FANCI: variants seen among roughly 807,000 people sequenced by gnomAD.
FANCI encodes the protein FA complementation group I.
Under a neutral mutation model 176.1 loss-of-function variants are expected in FANCI, and 156 were observed. The ratio of observed to expected loss-of-function variants is 0.89; its 90% CI spans 0.78 to 1.01. FANCI has a LOEUF of 1.01. Ranked by LOEUF, FANCI falls within the 50% of genes least tolerant of loss-of-function variation. The pLI is 0.00. For missense variants in FANCI, 1,678 were observed against 1,534.1 expected, an observed-to-expected ratio of 1.09 and a Z score of -1.57; for synonymous variants, 613 against 541.7, an observed-to-expected ratio of 1.13 and a Z score of -1.83.
intron 35 of FANCI, among the ~76,000 whole-genome samples, chr15:89,314,044 G>A (rs8030702): frequency 0.11 from 4,864 of 44,992 alleles, 260 homozygotes; most frequent in African/African-American, 0.39. Flanking sequence ...TAGGGGGAAA[G>A]ATATATAATC....
At chr15:89,255,226 A>G (rs1004281071) in intron 2 of FANCI, among the ~76,000 whole-genome samples, 40 of 152,138 alleles carry the variant, frequency 2.6e-4, no homozygotes, top group African/African-American at 9.4e-4. Context: ...GTGGTGTCTC[A>G]TGATTGGACC....
chr15:89,298,526 A>C (rs1215010933), intron 24 of FANCI, among the ~76,000 whole-genome samples: 2 of 152,234 alleles, frequency 1.3e-5, no homozygotes, highest in African/African-American at 4.8e-5. Flanking sequence ...AAAATCTCAG[A>C]TCTCCCATAT....
chr15:89,268,332 A>C lies in FANCI; in HGVS notation c.756-67A>C. The C allele has an allele frequency of 1.9e-6, 3 of 1,592,040 alleles. No individual in the cohort carries two copies. In the South Asian group the frequency reaches 3.3e-5, roughly 18 times the overall value. On this transcript the variant is annotated intron_variant, in intron 9 of 37. Coordinates refer to ENST00000310775, the MANE Select transcript of FANCI (RefSeq NM_001113378.2). ...GTGATGCGCCCGCCTTGGCCTCCCA[A>C]AGTGCTGGCATTACAGGCATGAGCC...
chr15:89,316,456 A>C lies in FANCI; in HGVS notation c.3984A>C (p.Lys1328Asn), dbSNP rs1159813655. The C allele has an allele frequency of 6.2e-7, 1 of 1,609,598 alleles. No individual in the cohort carries two copies. The highest frequency in any genetic ancestry group is 2.2e-5 in the East Asian group (1 of 44,722). The change falls in exon 38 of 38, where the codon AAA (lysine) becomes AAC (asparagine). Residue 1328 changes from lysine to asparagine, a missense_variant. Transcript: ENST00000310775. The stretch of plus-strand genomic sequence containing the variant: ...AACCAGCCAAGAAGAAAAGGAAAAA[A>C]TAAATGAAATGCCTGAGTTAATGTG... The part of the protein sequence containing the change: ...NKEPAKKKRK[K>N]
Position 89,287,219 on chromosome 15 carries a change from C to T in FANCI, c.1821+2001C>T, listed in dbSNP as rs191351308. ...CAATCTCTTGACCTCGTGATCTGCC[C>T]GCCTCGGCCTCCTAAAGTGCTGGGA... On this transcript the variant is annotated intron_variant, in intron 18 of 37. Coordinates refer to ENST00000310775, the MANE Select transcript of FANCI (RefSeq NM_001113378.2). Among the ~76,000 whole-genome samples the T allele has an allele frequency of 9.2e-5, 14 of 152,130 alleles. No homozygotes were observed. The East Asian group carries it at 9.6e-4, about 10-fold the overall frequency.
At chr15:89,307,423 C>G in intron 32 of FANCI, 53 bp from the exon 33 acceptor site, 2 of 1,542,052 alleles carry the variant, frequency 1.3e-6, no homozygotes, top group Admixed American at 3.5e-5. Context: ...CTGCAGCAGT[C>G]ACTTGTAGTT....
intron 22 of FANCI, 150 bp from the exon 23 acceptor site, chr15:89,293,682 TG>T: frequency 1.2e-6 from 1 of 846,818 alleles, no homozygotes; most frequent in Non-Finnish European, 1.9e-6. Context: ...TGCTGTGACC[TG>T]GGAGTATTAT....
chr15:89,262,348 C>T (rs1037452502), intron 6 of FANCI, among the ~76,000 whole-genome samples: 2 of 151,612 alleles, frequency 1.3e-5, no homozygotes, highest in African/African-American at 4.8e-5. Context: ...CTGCAACATA[C>T]AAGAAAATCC....
At chr15:89,285,488 G>GT (rs1460158125) in intron 18 of FANCI, among the ~76,000 whole-genome samples, 1 of 152,138 alleles carries the variant, frequency 6.6e-6, no homozygotes, top group East Asian at 1.9e-4. Context: ...TTAGCTGGGT[G>GT]TGGTGGCATG....
intron 13 of FANCI, among the ~76,000 whole-genome samples, chr15:89,277,767 T>G (rs1301905914): frequency 6.6e-6 from 1 of 152,208 alleles, no homozygotes; most frequent in Non-Finnish European, 1.5e-5. Flanking sequence ...TATTTTCTCT[T>G]GAATAAAAAA....
chr15:89,262,736 T>C (rs1487129786), intron 6 of FANCI, among the ~76,000 whole-genome samples: 1 of 152,264 alleles, frequency 6.6e-6, no homozygotes, highest in African/African-American at 2.4e-5. Flanking sequence ...TAATATACCT[T>C]GCATTTTTTA....
chr15:89,289,881 A>G (rs12908621), intron 18 of FANCI, among the ~76,000 whole-genome samples: 46,255 of 151,244 alleles, frequency 0.31, 8,528 homozygotes, highest in South Asian at 0.4. Context: ...TAGTAGAGAC[A>G]GGGTTTTGCT....
intron 23 of FANCI, among the ~76,000 whole-genome samples, chr15:89,294,486 G>A (rs955169310): frequency 9.9e-5 from 15 of 152,234 alleles, no homozygotes; most frequent in African/African-American, 1.4e-4. Context: ...TTGGGAGGCC[G>A]AGGCAGGAGA....
intron 28 of FANCI, 116 bp from the exon 29 acceptor site, chr15:89,304,999 T>C (rs2054662128): frequency 5.2e-6 from 6 of 1,162,844 alleles, no homozygotes; most frequent in Non-Finnish European, 7.6e-6. Flanking sequence ...TGGTCTTGAA[T>C]TCCTGACCTC....
Position 89,277,630 on chromosome 15 carries a change from A to AAAG in FANCI, c.1293+742_1293+744dup, listed in dbSNP as rs1567154593. On this transcript the variant is annotated intron_variant, in intron 13 of 37. Coordinates refer to ENST00000310775, the MANE Select transcript of FANCI (RefSeq NM_001113378.2). ...CTATCTCAAAAAAAAAAAAAAAAAA[A>AAAG]AAGAATCATACTTATTGGTTCATTG... 3.3e-4 allele frequency among the ~76,000 whole-genome samples: 48 copies of AAAG among 146,146 alleles called. 1 individual carries two copies. Among genetic ancestry groups the AAAG allele is most frequent in the Non-Finnish European group, 3.9e-4 (26 of 66,234 alleles).
intron 10 of FANCI, among the ~76,000 whole-genome samples, chr15:89,272,962 C>T (rs547368922): frequency 1.8e-4 from 27 of 152,142 alleles, no homozygotes; most frequent in African/African-American, 5.5e-4. Context: ...CCACCACACC[C>T]GGCCAAGGGA....
At position 89,263,441 on chromosome 15, in the gene FANCI, C is replaced by T; in HGVS notation, c.526C>T (p.Gln176Ter). ...CAGGTGGGATCAGCAATATGTAATCCAACTCACCTCCATGTTCAAGTAAGC... is the reference window on the plus strand; with the variant it reads ...CAGGTGGGATCAGCAATATGTAATCTAACTCACCTCCATGTTCAAGTAAGC... ...SGRWDQQYVI[Q>*]LTSMFKDVPL... is the part of the protein sequence containing the mutation. Residue 176 changes from glutamine to a stop codon, truncating the protein, a stop_gained, in exon 7 of 38, where the codon CAA becomes TAA. Transcript: ENST00000310775. LOFTEE classifies it high-confidence loss of function. 2 of 1,612,776 alleles carry T rather than the reference C, an allele frequency of 1.2e-6. No individual in the cohort carries two copies. The highest frequency in any genetic ancestry group is 1.7e-6 in the Non-Finnish European group (2 of 1,179,034).
At position 89,269,485 on chromosome 15, in the gene FANCI, T is replaced by G. The variant is rs28763756; in HGVS notation, c.882+960T>G. Among the ~76,000 whole-genome samples, 843 of 152,322 alleles carry G rather than the reference T, an allele frequency of 5.5e-3. 9 individuals are homozygous for G. The highest frequency in any genetic ancestry group is 0.019 in the African/African-American group (771 of 41,570). ...TTCTTTCTTTCTAGTTTTAGACTGA[T>G]TTTTTTGAAGCATCAGCCCACTTGT... On this transcript the variant is annotated intron_variant, in intron 10 of 37. Coordinates refer to ENST00000310775, the MANE Select transcript of FANCI (RefSeq NM_001113378.2).
chr15:89,289,270 G>C (rs1451691359), intron 18 of FANCI, among the ~76,000 whole-genome samples: 2 of 151,830 alleles, frequency 1.3e-5, no homozygotes, highest in African/African-American at 4.8e-5. Context: ...ATTTTCCTTT[G>C]TTCCGTTCCT....
Sources: gnomAD v4.1 joint callset for allele counts (sites outside exome capture counted in the v4.1 genomes callset) on GRCh38, gnomAD v4.1.1 for gene constraint, MANE v1.5 for transcripts, NCBI Gene and HGNC (gene_info 2026-07-23, HGNC 2026-07-21) for gene names.